CSMD1: variants seen among roughly 807,000 people sequenced by gnomAD.
CSMD1 encodes the protein CUB and sushi domain-containing protein 1.
A neutral mutation model predicts 417.5 loss-of-function variants in CSMD1; 213 were observed. The ratio of observed to expected loss-of-function variants is 0.51; its 90% CI spans 0.46 to 0.57. The LOEUF is 0.57. Among genes scored for constraint, CSMD1 ranks in the 20% least tolerant of loss-of-function variants. The pLI is 0.00. For missense variants in CSMD1, 6,923 were observed against 4,529.7 expected (o/e 1.53, Z -15.17); for synonymous variants, 2,862 against 1,736.8 (o/e 1.65, Z -16.11).
intron 2 of CSMD1, among the ~76,000 whole-genome samples, chr8:4,450,915 T>C (rs1007513536): frequency 2.0e-5 from 3 of 151,896 alleles, no homozygotes; most frequent in Admixed American, 6.6e-5. Context: ...AATTAAATCA[T>C]GGAGAGGAAA....
At chr8:4,955,533 G>A (rs1416541418) in intron 1 of CSMD1, among the ~76,000 whole-genome samples, 1 of 151,666 alleles carries the variant, frequency 6.6e-6, no homozygotes, top group Non-Finnish European at 1.5e-5. Flanking sequence ...TCGGCACACT[G>A]CAACCTCCGC....
chr8:3,453,849 T>G (rs1209323669), intron 12 of CSMD1, among the ~76,000 whole-genome samples: 1 of 152,206 alleles, frequency 6.6e-6, no homozygotes, highest in East Asian at 1.9e-4. Flanking sequence ...AGAGCTGACT[T>G]CAATTCCTGG....
intron 50 of CSMD1, among the ~76,000 whole-genome samples, chr8:3,044,968 T>C (rs1446109922): frequency 6.6e-6 from 1 of 152,226 alleles, no homozygotes; most frequent in African/African-American, 2.4e-5. Flanking sequence ...AGGTAAAGTT[T>C]TATGCTTACT....
chr8:4,318,443 C>T (rs1188719591), intron 3 of CSMD1, among the ~76,000 whole-genome samples: 4 of 152,016 alleles, frequency 2.6e-5, no homozygotes, highest in Non-Finnish European at 5.9e-5. Flanking sequence ...GTGAAAATTA[C>T]ATTGAGTTAA....
In CSMD1 at chr8:2,937,989, A is replaced by G. The variant is rs995255812; in HGVS notation, c.*596T>C. ...AACAGCTGACTGGGAAATTGCAAAC[A>G]TCCCTAGAGATGAACACACAGGGGA... On this transcript the variant is annotated 3_prime_UTR_variant, in exon 70 of 70. Coordinates refer to ENST00000635120, the MANE Select transcript of CSMD1 (RefSeq NM_033225.6). The G allele has an allele frequency of 6.5e-6, 1 of 152,722 alleles. No homozygotes were observed. The highest frequency in any genetic ancestry group is 1.5e-5 in the Non-Finnish European group (1 of 68,068). The allele number at this position is 152,722 out of a possible 1,614,324, so 9.5% of individuals were successfully genotyped here.
rs575741044 is a variant in CSMD1, at chr8:4,530,166, G to C, written c.302+107176C>G. On this transcript the variant is annotated intron_variant, in intron 2 of 69. Coordinates refer to ENST00000635120, the MANE Select transcript of CSMD1 (RefSeq NM_033225.6). ...CTGACCTTGTGATCTGCCCACCTCA[G>C]CCTCCCAAAGTGCTAGGATTACAGG... Among the ~76,000 whole-genome samples, 309 of 151,970 alleles carry C rather than the reference G, an allele frequency of 2.0e-3. 2 individuals are homozygous for C. The highest frequency in any genetic ancestry group is 6.8e-3 in the South Asian group (33 of 4,818).
intron 5 of CSMD1, among the ~76,000 whole-genome samples, chr8:3,856,862 C>T (rs1804350107): frequency 6.6e-6 from 1 of 152,176 alleles, no homozygotes; most frequent in Non-Finnish European, 1.5e-5. Flanking sequence ...GCAGATCCAG[C>T]ATGGACATGA....
At chr8:4,349,373 A>G (rs1800956530) in intron 3 of CSMD1, among the ~76,000 whole-genome samples, 1 of 152,152 alleles carries the variant, frequency 6.6e-6, no homozygotes, top group Non-Finnish European at 1.5e-5. Flanking sequence ...ATTTTTCTTA[A>G]AGCATCCTTT....
Position 4,295,483 on chromosome 8 carries a change from C to G in CSMD1, c.415+124470G>C, listed in dbSNP as rs368430486. 8.8e-4 allele frequency among the ~76,000 whole-genome samples: 124 copies of G among 140,946 alleles called. 1 individual carries two copies. The South Asian group carries it at 0.027, about 31-fold the overall frequency. 92.5% of individuals were successfully genotyped at this position (140,946 alleles called of 152,430 possible). On this transcript the variant is annotated intron_variant, in intron 3 of 69. Coordinates refer to ENST00000635120, the MANE Select transcript of CSMD1 (RefSeq NM_033225.6). ...TATAATCTTATTATACACATATAAT[C>G]TTAAGATTAAATATATCTTATACAC...
chr8:3,171,085 G>T (rs1195608031), intron 37 of CSMD1, among the ~76,000 whole-genome samples: 2 of 152,308 alleles, frequency 1.3e-5, no homozygotes, highest in South Asian at 4.1e-4. Context: ...TGAAATTTAT[G>T]ATTATAGTTC....
chr8:3,479,351 G>C (rs908602679), intron 11 of CSMD1, among the ~76,000 whole-genome samples: 1 of 152,066 alleles, frequency 6.6e-6, no homozygotes, highest in Non-Finnish European at 1.5e-5. Context: ...CATGATCTTG[G>C]CTCACCGCAA....
chr8:3,703,564 G>A (rs996748416), intron 7 of CSMD1, among the ~76,000 whole-genome samples: 9 of 152,042 alleles, frequency 5.9e-5, no homozygotes, highest in African/African-American at 2.2e-4. Context: ...TCATGGATGG[G>A]AAAACCCCAA....
At chr8:4,833,868 A>G (rs956590121) in intron 1 of CSMD1, among the ~76,000 whole-genome samples, 2 of 152,208 alleles carry the variant, frequency 1.3e-5, no homozygotes, top group African/African-American at 4.8e-5. Context: ...TACTCTAGTG[A>G]AGGTTGTAAA....
chr8:3,398,342 G>A (rs750365989), intron 16 of CSMD1, among the ~76,000 whole-genome samples: 1 of 152,070 alleles, frequency 6.6e-6, no homozygotes, highest in Non-Finnish European at 1.5e-5. Context: ...AATATAGATG[G>A]ATTTATAAAC....
intron 3 of CSMD1, among the ~76,000 whole-genome samples, chr8:4,197,411 G>C (rs1259555032): frequency 6.6e-6 from 1 of 152,158 alleles, no homozygotes; most frequent in Non-Finnish European, 1.5e-5. Flanking sequence ...CATTTCATTT[G>C]GTAGAATGAG....
intron 2 of CSMD1, among the ~76,000 whole-genome samples, chr8:4,609,510 G>C (rs1038054202): frequency 1.3e-5 from 2 of 152,138 alleles, no homozygotes; most frequent in Non-Finnish European, 2.9e-5. Context: ...TCACTAATTA[G>C]CTATTAAACA....
At chr8:3,495,954 G>A (rs1796346362) in intron 10 of CSMD1, among the ~76,000 whole-genome samples, 1 of 152,070 alleles carries the variant, frequency 6.6e-6, no homozygotes, top group South Asian at 2.1e-4. Context: ...GTGCAGGTTT[G>A]GGACATAGGT....
chr8:3,882,034 A>G (rs1229956345), intron 5 of CSMD1, among the ~76,000 whole-genome samples: 1 of 152,230 alleles, frequency 6.6e-6, no homozygotes, highest in African/African-American at 2.4e-5. Flanking sequence ...CTATTTTTAA[A>G]AGGTATTAAC....
chr8:3,278,175 A>G (rs1802449599), intron 26 of CSMD1, among the ~76,000 whole-genome samples: 1 of 152,202 alleles, frequency 6.6e-6, no homozygotes, highest in Non-Finnish European at 1.5e-5. Flanking sequence ...ATGAAAAACA[A>G]CTGAAGAAAG....
Sources: allele counts gnomAD v4.1 joint callset (sites outside exome capture counted in the v4.1 genomes callset), GRCh38; gene constraint gnomAD v4.1.1; transcripts MANE v1.5; gene names NCBI Gene and HGNC (gene_info 2026-07-23, HGNC 2026-07-21).